Variants in RASGRF2 observed in about 807,000 individuals in gnomAD.
RASGRF2 encodes ras-specific guanine nucleotide-releasing factor 2.
Under a neutral mutation model 151.0 loss-of-function variants are expected in RASGRF2, and 76 were observed. The observed-to-expected ratio is 0.50, with a 90% CI of 0.42 to 0.61. The LOEUF (loss-of-function observed/expected upper bound fraction) is 0.61. RASGRF2 is among the 20% of genes least tolerant of loss of function. RASGRF2 has a pLI of 0.00. For synonymous variants in RASGRF2, 504 were observed against 566.5 expected, an observed-to-expected ratio of 0.89 and a Z score of 1.57; for missense variants, 1,148 against 1,564.6, an observed-to-expected ratio of 0.73 and a Z score of 4.49.
At chr5:81,163,076 AGCTGCCGCTGCCCCTATGGGAG>A (rs1754425006) in intron 17 of RASGRF2, among the ~76,000 whole-genome samples, 1 of 152,124 alleles carries the variant, frequency 6.6e-6, no homozygotes. Context: ...GTGATCAGGA[AGCTGCCGCTGCCCCTATGGGAG>A]GCTGCCTCTG....
In RASGRF2 at chr5:81,157,026, C is replaced by T. The variant is rs1754274319; in HGVS notation, c.2687-23149C>T. On this transcript the variant is annotated intron_variant, in intron 17 of 26. Coordinates refer to ENST00000265080, the MANE Select transcript of RASGRF2 (RefSeq NM_006909.3). ...TTGTATTTTGTATATTAACAATGAA[C>T]AACCCAAAAATTAATAAAACAATTC... Among the ~76,000 whole-genome samples the T allele has an allele frequency of 2.0e-5, 3 of 151,998 alleles. No homozygotes were observed. The South Asian group carries it at 6.2e-4, about 32-fold the overall frequency.
intron 12 of RASGRF2, among the ~76,000 whole-genome samples, chr5:81,103,577 A>C (rs886321373): frequency 1.3e-5 from 2 of 152,156 alleles, no homozygotes; most frequent in African/African-American, 4.8e-5. Context: ...AGTGGATGAA[A>C]GATATGAATC....
intron 18 of RASGRF2, chr5:81,183,214 T>A: frequency 1.0e-6 from 1 of 983,250 alleles, no homozygotes; most frequent in Non-Finnish European, 1.2e-6. Context: ...ACAGAAAAGC[T>A]GTAGATCCAC....
At chr5:81,001,421 C>A (rs1295998644) in intron 1 of RASGRF2, among the ~76,000 whole-genome samples, 1 of 152,174 alleles carries the variant, frequency 6.6e-6, no homozygotes, top group African/African-American at 2.4e-5. Flanking sequence ...GGTATCCTCA[C>A]ACAATGCTTC....
chr5:81,111,041 T>A (rs758338550), intron 13 of RASGRF2, among the ~76,000 whole-genome samples: 2 of 152,224 alleles, frequency 1.3e-5, no homozygotes, highest in Non-Finnish European at 2.9e-5. Context: ...GGGATGTTTC[T>A]AAGAGCAAGC....
intron 9 of RASGRF2, 35 bp downstream of exon 9, chr5:81,086,988 C>A (rs780492862): frequency 5.6e-5 from 85 of 1,529,164 alleles, no homozygotes; most frequent in Non-Finnish European, 7.4e-5. Context: ...CGACCTGATG[C>A]GCTGTGCGGC....
intron 17 of RASGRF2, among the ~76,000 whole-genome samples, chr5:81,157,496 A>G (rs1754290092): frequency 6.6e-6 from 1 of 152,216 alleles, no homozygotes; most frequent in African/African-American, 2.4e-5. Context: ...AATATTTGTT[A>G]AGATGGAAAT....
chr5:81,053,656 A>G (rs572149657), intron 2 of RASGRF2, among the ~76,000 whole-genome samples: 2 of 152,248 alleles, frequency 1.3e-5, no homozygotes, highest in Admixed American at 6.5e-5. Flanking sequence ...TGGGATGACT[A>G]GGTCAAATGG....
intron 2 of RASGRF2, among the ~76,000 whole-genome samples, chr5:81,056,722 G>T (rs1047284167): frequency 1.3e-5 from 2 of 152,174 alleles, no homozygotes; most frequent in African/African-American, 4.8e-5. Context: ...AATGTTGACA[G>T]TGTGGTGTTA....
chr5:81,002,408 A>G (rs1288455351), intron 1 of RASGRF2, among the ~76,000 whole-genome samples: 2 of 152,176 alleles, frequency 1.3e-5, no homozygotes, highest in Non-Finnish European at 2.9e-5. Flanking sequence ...TCTGTTTTAA[A>G]CGAATAATGA....
At chr5:81,162,470 C>G (rs1344135112) in intron 17 of RASGRF2, among the ~76,000 whole-genome samples, 1 of 152,184 alleles carries the variant, frequency 6.6e-6, no homozygotes, top group Non-Finnish European at 1.5e-5. Flanking sequence ...GCCTTAGCAT[C>G]ATGAGTAGCT....
chr5:81,212,549 A>T lies in RASGRF2; in HGVS notation c.3340A>T (p.Lys1114Ter). ...AIYRLKKTWA[K>*]VSKQTKALMD... The stretch of plus-strand genomic sequence containing the variant: ...CTACAGGCTGAAGAAAACCTGGGCC[A>T]AGGTCTCTAAGCAGGTGAGCCTCAG... The change falls in exon 23 of 27, where the codon AAG (lysine) becomes TAG (stop). Residue 1114 changes from lysine to a stop codon, truncating the protein, a stop_gained. Coordinates refer to ENST00000265080, the MANE Select transcript of RASGRF2 (RefSeq NM_006909.3). LOFTEE classifies it high-confidence loss of function. 1 of 1,610,902 alleles carries T rather than the reference A, an allele frequency of 6.2e-7. No homozygotes were observed. The highest frequency in any genetic ancestry group is 1.1e-5 in the South Asian group (1 of 90,400).
intron 1 of RASGRF2, among the ~76,000 whole-genome samples, chr5:80,985,349 G>C (rs1477578461): frequency 6.6e-6 from 1 of 152,206 alleles, no homozygotes; most frequent in African/African-American, 2.4e-5. Context: ...CTATTTTTCT[G>C]TAGTAGACTT....
chr5:81,215,053 T>C lies in RASGRF2; in HGVS notation c.3355-823T>C, dbSNP rs928325171. 7.2e-5 allele frequency among the ~76,000 whole-genome samples: 11 copies of C among 152,214 alleles called. No homozygotes were observed. In the South Asian group the frequency reaches 1.5e-3, roughly 20 times the overall value. On this transcript the variant is annotated intron_variant, in intron 23 of 26. Transcript: ENST00000265080. ...ATGAGACCTCTCCTTTAAGATTCTA[T>C]ATTCGGCCTGGTGCAGTGACTCATG...
intron 9 of RASGRF2, 114 bp from the exon 10 acceptor site, chr5:81,092,687 A>G: frequency 3.1e-6 from 3 of 971,158 alleles, no homozygotes; most frequent in Non-Finnish European, 3.1e-6. Context: ...GATGTGTCAC[A>G]TAAATCAATC....
Position 81,113,658 on chromosome 5 carries a change from A to G in RASGRF2, c.2208A>G (p.Thr736=), listed in dbSNP as rs1178297781. The change falls in exon 15 of 27, where the codon ACA becomes ACG. Residue 736 remains threonine, a synonymous_variant. Transcript: ENST00000265080. The stretch of plus-strand genomic sequence containing the variant: ...CGCCACCACTGGCTGTGTCCAGAAC[A>G]TCTTCCCCAGTGAGGGCCAGAAAGC... ...SSPPPLAVSR[T]SSPVRARKLS... 1.9e-6 allele frequency: 3 copies of G among 1,613,132 alleles called. No individual in the cohort carries two copies. The highest frequency in any genetic ancestry group is 2.5e-6 in the Non-Finnish European group (3 of 1,179,116).
At chr5:81,147,062 G>A (rs1754023848) in intron 17 of RASGRF2, among the ~76,000 whole-genome samples, 1 of 152,048 alleles carries the variant, frequency 6.6e-6, no homozygotes, top group Non-Finnish European at 1.5e-5. Context: ...CAGGCATAGA[G>A]TACATGTTAA....
rs376736427 is a variant in RASGRF2 at position 81,150,184 on chromosome 5, C to T, written c.2686+23021C>T. On this transcript the variant is annotated intron_variant, in intron 17 of 26. Transcript: ENST00000265080. ...GCCATGAGGGCACGTAAGAATGGCT[C>T]TCCAAGGGGTCAGAAGTAAAGAGTG... Among the ~76,000 whole-genome samples, 48 of 152,306 alleles carry T rather than the reference C, an allele frequency of 3.2e-4. No homozygotes were observed. The South Asian group carries it at 9.7e-3, about 31-fold the overall frequency.
At chr5:81,044,369 G>A (rs568583488) in intron 2 of RASGRF2, among the ~76,000 whole-genome samples, 9 of 152,202 alleles carry the variant, frequency 5.9e-5, no homozygotes, top group Middle Eastern at 3.4e-3. Flanking sequence ...AGTGAGCCAA[G>A]ATCACACCAC....
Sources: allele counts gnomAD v4.1 joint callset (sites outside exome capture counted in the v4.1 genomes callset), GRCh38; gene constraint gnomAD v4.1.1; transcripts MANE v1.5; gene names NCBI Gene and HGNC (gene_info 2026-07-23, HGNC 2026-07-21).